The following GALK2 variants were observed in gnomAD, a reference collection of about 807,000 sequenced individuals.
GALK2 encodes galactokinase 2.
GALK2 carries 36 observed loss-of-function variants against 52.4 expected under a neutral mutation model. The observed-to-expected ratio is 0.69, with a 90% CI of 0.53 to 0.91. The LOEUF (loss-of-function observed/expected upper bound fraction) is 0.91. Among genes scored for constraint, GALK2 ranks in the 40% least tolerant of loss-of-function variants. The pLI, the probability that GALK2 is intolerant of heterozygous loss-of-function variation, is 0.00. For missense variants in GALK2, 579 were observed against 559.1 expected, an observed-to-expected ratio of 1.04 and a Z score of -0.36; for synonymous variants, 176 against 199.1, an observed-to-expected ratio of 0.88 and a Z score of 0.98.
At chr15:49,166,083 G>A (rs1178573884), upstream of GALK2, among the ~76,000 whole-genome samples, 3 of 151,798 alleles carry the variant, frequency 2.0e-5, no homozygotes, top group Non-Finnish European at 4.4e-5. Context: ...ATTACACTGC[G>A]CCCGGCCCAA....
At chr15:49,285,493 G>A (rs1595962942) in intron 7 of GALK2, among the ~76,000 whole-genome samples, 2 of 152,042 alleles carry the variant, frequency 1.3e-5, no homozygotes, top group East Asian at 3.9e-4. Flanking sequence ...TTCTTCTGTT[G>A]GTCTCATGCC....
chr15:49,157,244 T>C (rs2084489356), intron 1 of GALK2, among the ~76,000 whole-genome samples: 1 of 152,232 alleles, frequency 6.6e-6, no homozygotes. Context: ...TCATATGTGA[T>C]AGTGAAAGTA....
downstream of GALK2, among the ~76,000 whole-genome samples, chr15:49,332,652 CTA>C (rs1343297656): frequency 6.6e-6 from 1 of 152,154 alleles, no homozygotes; most frequent in Non-Finnish European, 1.5e-5. Context: ...ATATATAAGA[CTA>C]TTAATTTCAC....
chr15:49,304,835 A>C (rs1178489107), intron 8 of GALK2, among the ~76,000 whole-genome samples: 1 of 152,210 alleles, frequency 6.6e-6, no homozygotes, highest in African/African-American at 2.4e-5. Flanking sequence ...AGTTATTTTC[A>C]TTTAAGAATT....
chr15:49,336,491 A>G (rs1287813684), downstream of GALK2, among the ~76,000 whole-genome samples: 1 of 152,218 alleles, frequency 6.6e-6, no homozygotes, highest in Non-Finnish European at 1.5e-5. Flanking sequence ...ACTAAGATAT[A>G]GGGGATGAAC....
At chr15:49,360,818 T>A (rs1308990147) in intron 3 of GALK2, among the ~76,000 whole-genome samples, 1 of 152,164 alleles carries the variant, frequency 6.6e-6, no homozygotes, top group Non-Finnish European at 1.5e-5. Context: ...ATCATCCTTA[T>A]AAATAAATAT....
chr15:49,314,775 G>C (rs7176697), intron 8 of GALK2, among the ~76,000 whole-genome samples: 2 of 152,110 alleles, frequency 1.3e-5, no homozygotes, highest in Non-Finnish European at 2.9e-5. Flanking sequence ...GCATAAAATA[G>C]AATGGAGAAA....
At chr15:49,272,246 G>A (rs2030785359) in intron 5 of GALK2, among the ~76,000 whole-genome samples, 1 of 152,028 alleles carries the variant, frequency 6.6e-6, no homozygotes, top group African/African-American at 2.4e-5. Flanking sequence ...TTCTTTTTCT[G>A]GGTTGTTTTG....
intron 5 of GALK2, among the ~76,000 whole-genome samples, chr15:49,268,974 C>G (rs2029920138): frequency 6.6e-6 from 1 of 152,088 alleles, no homozygotes; most frequent in Non-Finnish European, 1.5e-5. Context: ...CTATTTTTAT[C>G]TAAGTTTTGT....
At chr15:49,336,989 A>G (rs977541624) in intron 3 of GALK2, among the ~76,000 whole-genome samples, 18 of 152,198 alleles carry the variant, frequency 1.2e-4, no homozygotes, top group African/African-American at 4.1e-4. Context: ...AATGGCCTCC[A>G]TCTGCATTCA....
intron 7 of GALK2, among the ~76,000 whole-genome samples, chr15:49,285,938 C>T (rs916326748): frequency 5.9e-5 from 9 of 152,184 alleles, no homozygotes; most frequent in African/African-American, 2.2e-4. Context: ...TCATCCTCTT[C>T]ATCTCTTAGC....
At position 49,283,664 on chromosome 15, in the gene GALK2, G is replaced by A. The variant is rs753399317; in HGVS notation, c.702G>A (p.Lys234=). ...VIANSCVEMN[K]AATSHFNIRV... is the part of the protein sequence containing the mutation. ...CCAACAGTTGTGTGGAGATGAATAAGGCAGCAACTTCCCATTTCAATATCA... is the reference window on the plus strand; with the variant it reads ...CCAACAGTTGTGTGGAGATGAATAAAGCAGCAACTTCCCATTTCAATATCA... The change falls in exon 7 of 10, where the codon AAG becomes AAA. Residue 234 remains lysine, a synonymous_variant. Transcript: ENST00000560031. 6.2e-7 allele frequency: 1 copy of A among 1,614,110 alleles called. No homozygotes were observed. The highest frequency in any genetic ancestry group is 1.7e-5 in the Admixed American group (1 of 60,028).
At chr15:49,309,233 T>C (rs2035791455) in intron 8 of GALK2, among the ~76,000 whole-genome samples, 1 of 152,206 alleles carries the variant, frequency 6.6e-6, no homozygotes, top group Non-Finnish European at 1.5e-5. Context: ...TTTCACGTTC[T>C]AATAGAGAAT....
chr15:49,319,719 A>G lies in GALK2; in HGVS notation c.1083A>G (p.Gly361=). ...CTGAAAACATGGTCCAGCTGCTGGGAGAGTTGATGAACCAGAGCCACATGA... is the reference window on the plus strand; with the variant it reads ...CTGAAAACATGGTCCAGCTGCTGGGGGAGTTGATGAACCAGAGCCACATGA... The part of the protein sequence containing the change: ...EAPENMVQLL[G]ELMNQSHMSC... Residue 361 remains glycine, a synonymous_variant, in exon 9 of 10, where the codon GGA becomes GGG. Transcript: ENST00000560031. 1 of 1,614,116 alleles carries G rather than the reference A, an allele frequency of 6.2e-7. No individual in the cohort carries two copies. The highest frequency in any genetic ancestry group is 8.5e-7 in the Non-Finnish European group (1 of 1,180,020).
chr15:49,326,255 ATTTTTTTTTTTTTT>A (rs35381509), intron 9 of GALK2, among the ~76,000 whole-genome samples: 1 of 100,690 alleles, frequency 9.9e-6, no homozygotes, highest in Non-Finnish European at 2.0e-5. Context: ...TATGACAACC[ATTTTTTTTTTTTTT>A]TTTTTTTTTG....
At chr15:49,264,969 G>C (rs538024092) in intron 5 of GALK2, among the ~76,000 whole-genome samples, 28 of 152,198 alleles carry the variant, frequency 1.8e-4, no homozygotes, top group Admixed American at 3.3e-4. Context: ...CGTGTGAGGT[G>C]TCAGTCTGCC....
chr15:49,288,616 T>C (rs1364680799), intron 7 of GALK2, among the ~76,000 whole-genome samples: 1 of 152,154 alleles, frequency 6.6e-6, no homozygotes, highest in East Asian at 1.9e-4. Flanking sequence ...GATTCAATAG[T>C]GCATACTCTG....
intron 7 of GALK2, among the ~76,000 whole-genome samples, chr15:49,286,616 G>C (rs925031489): frequency 6.6e-6 from 1 of 152,172 alleles, no homozygotes; most frequent in African/African-American, 2.4e-5. Context: ...TATTAAGATA[G>C]TGTCTAAAAA....
intron 1 of GALK2, among the ~76,000 whole-genome samples, chr15:49,183,850 A>C (rs1044505729): frequency 6.6e-6 from 1 of 152,030 alleles, no homozygotes; most frequent in Non-Finnish European, 1.5e-5. Flanking sequence ...TCTCAGAAAA[A>C]AAAAAAAAAA....
Sources: allele counts gnomAD v4.1 joint callset (sites outside exome capture counted in the v4.1 genomes callset), GRCh38; gene constraint gnomAD v4.1.1; transcripts MANE v1.5; gene names NCBI Gene and HGNC (gene_info 2026-07-23, HGNC 2026-07-21).